CDH13: variants seen among roughly 807,000 people sequenced by gnomAD.
The protein encoded by CDH13 is cadherin 13, also known as cadherin-13.
A neutral mutation model predicts 63.8 loss-of-function variants in CDH13; 24 were observed. The observed-to-expected ratio is 0.38, with a 90% CI of 0.27 to 0.53. The LOEUF is 0.53. Ranked by LOEUF, CDH13 falls within the 20% of genes least tolerant of loss-of-function variation. The pLI, the probability that CDH13 is intolerant of heterozygous loss-of-function variation, is 0.85. For missense variants in CDH13, 1,049 were observed against 903.1 expected (o/e 1.16, Z -2.07); for synonymous variants, 503 against 355.3 (o/e 1.42, Z -4.67).
At chr16:83,739,032 G>A (rs1173207444) in intron 10 of CDH13, among the ~76,000 whole-genome samples, 1 of 152,136 alleles carries the variant, frequency 6.6e-6, no homozygotes, top group Non-Finnish European at 1.5e-5. Flanking sequence ...CACACAACAG[G>A]CCTGAGACTG....
intron 1 of CDH13, among the ~76,000 whole-genome samples, chr16:82,691,064 C>G (rs1200770507): frequency 1.3e-5 from 2 of 152,222 alleles, no homozygotes; most frequent in Non-Finnish European, 2.9e-5. Flanking sequence ...GATTCATTTA[C>G]ACATTCAGCA....
chr16:82,725,743 C>T (rs1031984026), intron 1 of CDH13, among the ~76,000 whole-genome samples: 1 of 152,154 alleles, frequency 6.6e-6, no homozygotes, highest in African/African-American at 2.4e-5. Context: ...GAACACCATC[C>T]TCATTCCTTT....
At chr16:83,038,363 G>T (rs1370013553) in intron 3 of CDH13, among the ~76,000 whole-genome samples, 3 of 152,012 alleles carry the variant, frequency 2.0e-5, no homozygotes, top group Non-Finnish European at 1.5e-5. Context: ...ATTTTTAATG[G>T]GCTTCCCAGA....
chr16:83,032,642 C>T (rs1031792428), intron 3 of CDH13, among the ~76,000 whole-genome samples: 1 of 152,082 alleles, frequency 6.6e-6, no homozygotes, highest in Non-Finnish European at 1.5e-5. Context: ...CTCTTCAAGA[C>T]GATGCTAGCA....
chr16:82,845,582 C>G (rs1340943130), intron 1 of CDH13, among the ~76,000 whole-genome samples: 1 of 152,128 alleles, frequency 6.6e-6, no homozygotes, highest in African/African-American at 2.4e-5. Context: ...TCTGTGGATT[C>G]AAGGTTTCTT....
chr16:83,273,174 T>G (rs528281823), intron 5 of CDH13, among the ~76,000 whole-genome samples: 3 of 131,534 alleles, frequency 2.3e-5, no homozygotes, highest in African/African-American at 8.3e-5. Context: ...TAATATCAAT[T>G]TTTTTTTCTT....
At chr16:83,649,932 G>C (rs912941740) in intron 8 of CDH13, among the ~76,000 whole-genome samples, 2 of 152,208 alleles carry the variant, frequency 1.3e-5, no homozygotes, top group African/African-American at 4.8e-5. Context: ...TGCATAGGGA[G>C]GGGAAAATGG....
At chr16:82,909,591 A>G (rs1369809801) in intron 2 of CDH13, among the ~76,000 whole-genome samples, 2 of 151,904 alleles carry the variant, frequency 1.3e-5, no homozygotes, top group Admixed American at 1.3e-4. Context: ...AAGGCAAATG[A>G]GGAGCAACGT....
chr16:83,227,264 A>G (rs1219145047), intron 5 of CDH13, among the ~76,000 whole-genome samples: 1 of 152,196 alleles, frequency 6.6e-6, no homozygotes, highest in Non-Finnish European at 1.5e-5. Context: ...GCACTGTGGC[A>G]TGGGAAGTGC....
chr16:82,957,639 C>T (rs1016527804), intron 2 of CDH13, among the ~76,000 whole-genome samples: 1 of 152,182 alleles, frequency 6.6e-6, no homozygotes, highest in African/African-American at 2.4e-5. Context: ...AGAACACCAG[C>T]TTTGGACTCA....
At chr16:83,314,047 C>T (rs1032986110) in intron 5 of CDH13, among the ~76,000 whole-genome samples, 3 of 152,214 alleles carry the variant, frequency 2.0e-5, no homozygotes, top group African/African-American at 7.2e-5. Context: ...TAAACTCTTA[C>T]ACTGTGTAAT....
intron 5 of CDH13, among the ~76,000 whole-genome samples, chr16:83,340,964 C>A (rs2090708766): frequency 6.6e-6 from 1 of 152,030 alleles, no homozygotes; most frequent in South Asian, 2.1e-4. Flanking sequence ...AAGGGGTGGT[C>A]TTGAAGTAGG....
intron 8 of CDH13, among the ~76,000 whole-genome samples, chr16:83,610,745 G>T (rs915477689): frequency 1.3e-5 from 2 of 152,126 alleles, no homozygotes; most frequent in Admixed American, 1.3e-4. Flanking sequence ...TTTCCAGTTT[G>T]GGGATAATTT....
intron 5 of CDH13, among the ~76,000 whole-genome samples, chr16:83,332,483 T>C (rs2090501141): frequency 6.6e-6 from 1 of 152,202 alleles, no homozygotes. Context: ...AAAAAAGGTA[T>C]TGCATTTATT....
At chr16:83,185,462 A>C (rs1321367265) in intron 4 of CDH13, among the ~76,000 whole-genome samples, 1 of 152,206 alleles carries the variant, frequency 6.6e-6, no homozygotes, top group African/African-American at 2.4e-5. Flanking sequence ...ATTAAAGTGA[A>C]AGACTTCAAA....
At chr16:83,310,503 A>T (rs900080869) in intron 5 of CDH13, among the ~76,000 whole-genome samples, 1 of 152,206 alleles carries the variant, frequency 6.6e-6, no homozygotes, top group Non-Finnish European at 1.5e-5. Context: ...TGAAGATTCA[A>T]ATTGGAAGTA....
intron 5 of CDH13, among the ~76,000 whole-genome samples, chr16:83,329,874 G>C (rs1172994846): frequency 6.6e-6 from 1 of 152,168 alleles, no homozygotes; most frequent in Admixed American, 6.5e-5. Flanking sequence ...TTTAAAAACT[G>C]AATAGTGTTT....
chr16:83,318,081 C>T (rs1597733064), intron 5 of CDH13, among the ~76,000 whole-genome samples: 3 of 152,136 alleles, frequency 2.0e-5, no homozygotes, highest in Admixed American at 2.0e-4. Flanking sequence ...ATAATGATAC[C>T]TATCCCATAG....
At chr16:82,667,422 T>A (rs1319219152) in intron 1 of CDH13, among the ~76,000 whole-genome samples, 1 of 152,162 alleles carries the variant, frequency 6.6e-6, no homozygotes, top group African/African-American at 2.4e-5. Flanking sequence ...CACCAGGATG[T>A]GGTGTGGGGA....
Sources: allele counts gnomAD v4.1 joint callset (sites outside exome capture counted in the v4.1 genomes callset), GRCh38; gene constraint gnomAD v4.1.1; transcripts MANE v1.5; gene names NCBI Gene and HGNC (gene_info 2026-07-23, HGNC 2026-07-21).